TXNRD2: variants seen among roughly 807,000 people sequenced by gnomAD.
The protein encoded by TXNRD2 is thioredoxin reductase 2.
A neutral mutation model predicts 70.8 loss-of-function variants in TXNRD2; 67 were observed. That is an observed-to-expected ratio of 0.95 (90% confidence interval 0.78 to 1.16). The LOEUF is 1.16. Ranked by LOEUF, TXNRD2 falls within the 50% of genes most tolerant of loss-of-function variation. The probability of loss-of-function intolerance (pLI) is 0.00; values close to 1 mark genes in which losing one functional copy is unlikely to be tolerated. For synonymous variants in TXNRD2, 301 were observed against 295.8 expected (o/e 1.02, Z -0.18); for missense variants, 644 against 719.9 (o/e 0.89, Z 1.21).
At chr22:19,899,737 C>T (rs1939686686) in intron 8 of TXNRD2, among the ~76,000 whole-genome samples, 1 of 152,254 alleles carries the variant, frequency 6.6e-6, no homozygotes, top group Non-Finnish European at 1.5e-5. Context: ...TATGTGCACA[C>T]ATGCCACACA....
rs537116368 is a variant in TXNRD2 at position 19,904,366 on chromosome 22, C to T, written c.663-5298G>A. ...AGTGAAGTGCACTGTTTAATTCTGT[C>T]TCCCCTTGACTGAGCTTGGACACGA... On this transcript the variant is annotated intron_variant, in intron 8 of 17. Coordinates refer to ENST00000400521, the MANE Select transcript of TXNRD2 (RefSeq NM_006440.5). 3.2e-3 allele frequency among the ~76,000 whole-genome samples: 489 copies of T among 152,364 alleles called. 2 individuals carry two copies. The highest frequency in any genetic ancestry group is 3.9e-3 in the Non-Finnish European group (268 of 68,042).
chr22:19,897,169 A>G lies in TXNRD2; in HGVS notation c.774+870T>C, dbSNP rs536211656. Among the ~76,000 whole-genome samples, 6 of 152,278 alleles carry G rather than the reference A, an allele frequency of 3.9e-5. No individual in the cohort carries two copies. The South Asian group carries it at 1.2e-3, about 32-fold the overall frequency. ...GTGTGCCATAGCTTTAGGATGGAAC[A>G]ACACATGGCCACACGGGTGGAGGGA... On this transcript the variant is annotated intron_variant, in intron 10 of 17. Transcript: ENST00000400521.
At chr22:19,882,222 C>T (rs1251063661) in intron 12 of TXNRD2, among the ~76,000 whole-genome samples, 1 of 151,932 alleles carries the variant, frequency 6.6e-6, no homozygotes, top group East Asian at 1.9e-4. Flanking sequence ...CATGGAGTCT[C>T]GCTCTGTCAC....
intron 10 of TXNRD2, 39 bp downstream of exon 10, chr22:19,898,000 C>G (rs751446126): frequency 6.5e-7 from 1 of 1,527,968 alleles, no homozygotes; most frequent in Non-Finnish European, 8.8e-7. Flanking sequence ...AGGAAGGCCT[C>G]AGAGCCACAG....
chr22:19,909,048 C>T (rs5993864), intron 8 of TXNRD2, among the ~76,000 whole-genome samples: 101,604 of 151,658 alleles, frequency 0.67, 35,272 homozygotes, highest in East Asian at 0.92. Context: ...CCACTAAAAA[C>T]ACAAAAAATT....
rs1939450474 is a variant in TXNRD2, at chr22:19,895,298, G to A, written c.949+109C>T. 3 of 1,595,334 alleles carry A rather than the reference G, an allele frequency of 1.9e-6. No individual in the cohort carries two copies. The African/African-American group carries it at 4.0e-5, about 21-fold the overall frequency. On this transcript the variant is annotated intron_variant, in intron 11 of 17. Coordinates refer to ENST00000400521, the MANE Select transcript of TXNRD2 (RefSeq NM_006440.5). ...CACTGGGGAGCGGCCAACCCGCCTGGCAGCCAGCAGGATGGGGGAGCCCTG... is the reference window on the plus strand; with the variant it reads ...CACTGGGGAGCGGCCAACCCGCCTGACAGCCAGCAGGATGGGGGAGCCCTG...
chr22:19,906,092 A>T (rs1466099386), intron 8 of TXNRD2, among the ~76,000 whole-genome samples: 1 of 152,150 alleles, frequency 6.6e-6, no homozygotes. Context: ...GCGACAGAGG[A>T]TCACATCCCT....
intron 11 of TXNRD2, among the ~76,000 whole-genome samples, chr22:19,888,147 C>A (rs1467684485): frequency 6.6e-6 from 1 of 152,250 alleles, no homozygotes; most frequent in Non-Finnish European, 1.5e-5. Context: ...GCCTCCAGCC[C>A]CAGGCCCAGC....
In TXNRD2 at chr22:19,941,685, C is replaced by T; in HGVS notation, c.103+16G>A. 1 of 1,476,172 alleles carries T rather than the reference C, an allele frequency of 6.8e-7. No homozygotes were observed. The highest frequency in any genetic ancestry group is 1.3e-5 in the South Asian group (1 of 77,658). The allele number at this position is 1,476,172 out of a possible 1,614,324, so 91.4% of individuals were successfully genotyped here. ...GCGCGGACACCTACCGCGGGGACGCCCCGACCCCATCCTACCTGCTGCGCC... is the reference window on the plus strand; with the variant it reads ...GCGCGGACACCTACCGCGGGGACGCTCCGACCCCATCCTACCTGCTGCGCC... On this transcript the variant is annotated intron_variant, in intron 1 of 17. Transcript: ENST00000400521.
rs1386858328 is a variant in TXNRD2, at chr22:19,908,268, G to A, written c.662+3109C>T. ...GAGGAGAGGCTCCTTTCTGTTTTGTGTCTTATCAAAAAGCTGATGCCTGAG... is the reference window on the plus strand; with the variant it reads ...GAGGAGAGGCTCCTTTCTGTTTTGTATCTTATCAAAAAGCTGATGCCTGAG... On this transcript the variant is annotated intron_variant, in intron 8 of 17. Transcript: ENST00000400521. Among the ~76,000 whole-genome samples, 4 of 152,006 alleles carry A rather than the reference G, an allele frequency of 2.6e-5. No homozygotes were observed. The East Asian group carries it at 5.8e-4, about 22-fold the overall frequency.
In TXNRD2 at chr22:19,938,818, T is replaced by A. The variant is rs114190432; in HGVS notation, c.103+2883A>T. On this transcript the variant is annotated intron_variant, in intron 1 of 17. Transcript: ENST00000400521. ...GTCTCGGTCCAAAACGTGAAAAAAT[T>A]ACTAAACCTCTTCAAGTTACTGTAA... is the stretch of plus-strand genomic sequence containing the variant. 8.9e-3 allele frequency among the ~76,000 whole-genome samples: 1,349 copies of A among 152,252 alleles called. 15 individuals carry two copies. The highest frequency in any genetic ancestry group is 0.031 in the African/African-American group (1,278 of 41,526).
intron 14 of TXNRD2, among the ~76,000 whole-genome samples, chr22:19,878,885 C>T (rs902438094): frequency 3.9e-5 from 6 of 152,224 alleles, no homozygotes; most frequent in East Asian, 1.9e-4. Context: ...TGTGGCCACA[C>T]CGGAGCCGGA....
At chr22:19,925,085 C>A (rs542239901) in intron 2 of TXNRD2, among the ~76,000 whole-genome samples, 3 of 151,352 alleles carry the variant, frequency 2.0e-5, no homozygotes, top group South Asian at 4.2e-4. Context: ...GAGATCGAGA[C>A]CATCCTGGCT....
chr22:19,893,741 C>A (rs547804512), intron 11 of TXNRD2, among the ~76,000 whole-genome samples: 1 of 152,216 alleles, frequency 6.6e-6, no homozygotes, highest in Non-Finnish European at 1.5e-5. Flanking sequence ...CACGCCTGGC[C>A]GGGAAACGCC....
intron 1 of TXNRD2, among the ~76,000 whole-genome samples, chr22:19,932,016 C>A (rs922857152): frequency 1.3e-5 from 2 of 151,678 alleles, no homozygotes; most frequent in Non-Finnish European, 2.9e-5. Context: ...AAAAAATTAG[C>A]CGGGCATGGT....
intron 11 of TXNRD2, chr22:19,883,748 G>A: frequency 2.4e-6 from 1 of 417,606 alleles, no homozygotes; most frequent in South Asian, 2.2e-5. Flanking sequence ...GAGGTCTGGA[G>A]TTCAAAACCA....
rs78301360 is a variant in TXNRD2, at chr22:19,906,825, C to T, written c.662+4552G>A. On this transcript the variant is annotated intron_variant, in intron 8 of 17. Transcript: ENST00000400521. ...CACAGTCTCAGGAGAGTGTGGGCGCCGTGGGTAGCAGTGACCACTCTCAGG... is the reference window on the plus strand; with the variant it reads ...CACAGTCTCAGGAGAGTGTGGGCGCTGTGGGTAGCAGTGACCACTCTCAGG... Among the ~76,000 whole-genome samples, 262 of 145,968 alleles carry T rather than the reference C, an allele frequency of 1.8e-3. 1 individual carries two copies. Among genetic ancestry groups the T allele is most frequent in the African/African-American group, 6.3e-3 (248 of 39,574 alleles).
intron 1 of TXNRD2, among the ~76,000 whole-genome samples, chr22:19,931,629 G>C (rs1941363033): frequency 6.6e-6 from 1 of 152,076 alleles, no homozygotes; most frequent in African/African-American, 2.4e-5. Context: ...TCAGCCTCCA[G>C]AATAGCTGGG....
chr22:19,891,118 G>C (rs1939245796), intron 11 of TXNRD2, among the ~76,000 whole-genome samples: 1 of 152,230 alleles, frequency 6.6e-6, no homozygotes, highest in African/African-American at 2.4e-5. Context: ...TTTACACACA[G>C]GTGGACATCT....
Sources: gnomAD v4.1 joint callset for allele counts (sites outside exome capture counted in the v4.1 genomes callset) on GRCh38, gnomAD v4.1.1 for gene constraint, MANE v1.5 for transcripts, NCBI Gene and HGNC (gene_info 2026-07-23, HGNC 2026-07-21) for gene names.